Variants in DNAH17 observed in about 807,000 individuals in gnomAD.
The protein encoded by DNAH17 is dynein axonemal heavy chain 17.
DNAH17 carries 376 observed loss-of-function variants against 485.6 expected under a neutral mutation model. That is an observed-to-expected ratio of 0.77 (90% confidence interval 0.71 to 0.84). DNAH17 has a LOEUF of 0.84. DNAH17 is among the 40% of genes least tolerant of loss of function. DNAH17 has a pLI of 0.00. For missense variants in DNAH17, 6,370 were observed against 5,839.3 expected, an observed-to-expected ratio of 1.09 and a Z score of -2.96; for synonymous variants, 3,031 against 2,405.9, an observed-to-expected ratio of 1.26 and a Z score of -7.60.
intron 46 of DNAH17, 22 bp downstream of exon 46, chr17:78,485,938 G>C: frequency 6.2e-7 from 1 of 1,607,952 alleles, no homozygotes; most frequent in Non-Finnish European, 8.5e-7. Context: ...CCAGTCGGTG[G>C]CCCTGCTTTG....
chr17:78,534,919 C>T (rs1332776189), intron 19 of DNAH17, among the ~76,000 whole-genome samples: 1 of 152,184 alleles, frequency 6.6e-6, no homozygotes, highest in East Asian at 1.9e-4. Flanking sequence ...CTCTCTGCCA[C>T]CAAGCTAGGG....
chr17:78,562,676 C>T (rs1045257340), intron 11 of DNAH17, among the ~76,000 whole-genome samples: 9 of 152,146 alleles, frequency 5.9e-5, no homozygotes, highest in Admixed American at 3.3e-4. Flanking sequence ...ATAGCCATAA[C>T]GTTGCATTTA....
chr17:78,543,481 G>A (rs895625461), intron 17 of DNAH17, among the ~76,000 whole-genome samples: 12 of 151,236 alleles, frequency 7.9e-5, no homozygotes, highest in African/African-American at 9.7e-5. Context: ...TAGTAGAGAC[G>A]GGGTTTCACC....
At chr17:78,557,149 AG>A (rs1020490910) in intron 14 of DNAH17, among the ~76,000 whole-genome samples, 5 of 152,354 alleles carry the variant, frequency 3.3e-5, no homozygotes, top group Admixed American at 3.3e-4. Flanking sequence ...CAAAGAGCTG[AG>A]CAGGGACCGC....
chr17:78,525,473 A>G (rs1441957739), intron 24 of DNAH17, among the ~76,000 whole-genome samples: 7 of 152,244 alleles, frequency 4.6e-5, no homozygotes, highest in Non-Finnish European at 5.9e-5. Context: ...TTCAACTTTC[A>G]TATTATATTT....
chr17:78,468,155 A>G lies in DNAH17; in HGVS notation c.8778+462T>C, dbSNP rs1157574846. Among the ~76,000 whole-genome samples, 6 of 105,370 alleles carry G rather than the reference A, an allele frequency of 5.7e-5. No individual in the cohort carries two copies. The East Asian group carries it at 2.1e-3, about 37-fold the overall frequency. 69.1% of individuals were successfully genotyped at this position (105,370 alleles called of 152,430 possible). A position where few individuals can be genotyped will look rare whatever the true frequency, so the allele number is the denominator to read the frequency against. On this transcript the variant is annotated intron_variant, in intron 55 of 80. Transcript: ENST00000389840. Reference sequence around the variant, plus strand: ...GGATTTAACCAACCATGGACTGAAAATTGTTAAAAAAAAATAATAAAAAAT... The same window carrying G: ...GGATTTAACCAACCATGGACTGAAAGTTGTTAAAAAAAAATAATAAAAAAT...
At chr17:78,551,108 T>G (rs1205174044) in intron 16 of DNAH17, among the ~76,000 whole-genome samples, 1 of 151,968 alleles carries the variant, frequency 6.6e-6, no homozygotes, top group African/African-American at 2.4e-5. Context: ...GCTGCAAGTG[T>G]TTTTGCACAT....
At chr17:78,549,512 C>G (rs1028438798) in intron 16 of DNAH17, among the ~76,000 whole-genome samples, 1 of 152,230 alleles carries the variant, frequency 6.6e-6, no homozygotes, top group African/African-American at 2.4e-5. Flanking sequence ...AATTGGCAAA[C>G]AGATCATTCC....
chr17:78,426,564 A>C lies in DNAH17; in HGVS notation c.12808T>G (p.Ser4270Ala). Residue 4270 changes from serine to alanine, a missense_variant, in exon 79 of 81, where the codon TCC becomes GCC. Physicochemically the swap from Ser to Ala is moderately conservative, Grantham distance 99. Coordinates refer to ENST00000389840, the MANE Select transcript of DNAH17 (RefSeq NM_173628.4). Reference protein sequence around the residue: ...LTITTDVEDLSTALFYDTVPD... With the variant: ...LTITTDVEDLATALFYDTVPD... Reference sequence around the variant, plus strand: ...ACGGTGTCATAGAAGAGAGCCGTGGACAGATCTTCCACGTCGGTCGTGATG... The same window carrying C: ...ACGGTGTCATAGAAGAGAGCCGTGGCCAGATCTTCCACGTCGGTCGTGATG... 6.2e-7 allele frequency: 1 copy of C among 1,613,166 alleles called. No individual in the cohort carries two copies. Among genetic ancestry groups the C allele is most frequent in the Non-Finnish European group, 8.5e-7 (1 of 1,179,410 alleles).
Position 78,460,296 on chromosome 17 carries a change from G to C in DNAH17, c.9340-39C>G, listed in dbSNP as rs752266979. 4.6e-6 allele frequency: 7 copies of C among 1,537,444 alleles called. No homozygotes were observed. In the Admixed American group the frequency reaches 1.4e-4, roughly 31 times the overall value. ...GGACAGGAGAGGTTACTGCAGGCCTGTCCATGTGCCTGTGGGGGCGTGTAC... is the reference window on the plus strand; with the variant it reads ...GGACAGGAGAGGTTACTGCAGGCCTCTCCATGTGCCTGTGGGGGCGTGTAC... On this transcript the variant is annotated intron_variant, in intron 58 of 80. Coordinates refer to ENST00000389840, the MANE Select transcript of DNAH17 (RefSeq NM_173628.4).
chr17:78,434,642 T>C (rs1319759468), intron 74 of DNAH17, among the ~76,000 whole-genome samples: 1 of 147,892 alleles, frequency 6.8e-6, no homozygotes, highest in African/African-American at 2.5e-5. Context: ...GGGGATGGGA[T>C]AGAGGATGGG....
chr17:78,501,928 G>GGTCTTGT lies in DNAH17; in HGVS notation c.5191-62_5191-56dup, dbSNP rs569963590. The GGTCTTGT allele has an allele frequency of 2.3e-5, 37 of 1,605,312 alleles. No individual in the cohort carries two copies. The Admixed American group carries it at 5.7e-4, about 25-fold the overall frequency. On this transcript the variant is annotated intron_variant, in intron 33 of 80. Transcript: ENST00000389840. The stretch of plus-strand genomic sequence containing the variant: ...CCACGGGTGCCCACATGCACTGGGG[G>GGTCTTGT]GTCTTGTGGCTGGGTGCCCACAGCT...
At chr17:78,484,739 A>ACCCCCCTGCCCCCCC in intron 48 of DNAH17, 129 bp downstream of exon 48, 14 of 347,768 alleles carry the variant, frequency 4.0e-5, no homozygotes, top group South Asian at 8.4e-5. Context: ...ACGTTGCAGC[A>ACCCCCCTGCCCCCCC]CCCCCCCCAC....
rs116104455 is a variant in DNAH17, at chr17:78,477,007, G to A, written c.7993-274C>T. On this transcript the variant is annotated intron_variant, in intron 51 of 80. Coordinates refer to ENST00000389840, the MANE Select transcript of DNAH17 (RefSeq NM_173628.4). ...CTCCAGAAGAGTGAATGGTGGAGGA[G>A]GGACAAGGGAGGCTAATTGCAAAGG... 4.8e-3 allele frequency among the ~76,000 whole-genome samples: 729 copies of A among 152,310 alleles called. 7 individuals are homozygous for A. The highest frequency in any genetic ancestry group is 0.017 in the African/African-American group (691 of 41,558).
intron 31 of DNAH17, among the ~76,000 whole-genome samples, chr17:78,503,528 C>A (rs66518660): frequency 0.23 from 35,583 of 151,736 alleles, 4,382 homozygotes; most frequent in South Asian, 0.34. Context: ...GCTCTGCTGC[C>A]CCGGCTGCTG....
chr17:78,454,240 C>T (rs1054981419), intron 64 of DNAH17, among the ~76,000 whole-genome samples: 10 of 152,312 alleles, frequency 6.6e-5, no homozygotes, highest in African/African-American at 1.4e-4. Context: ...CCTGAGCCTC[C>T]GTCTCACTCT....
intron 44 of DNAH17, 89 bp downstream of exon 44, chr17:78,490,610 T>A: frequency 1.3e-6 from 2 of 1,486,536 alleles, no homozygotes; most frequent in Non-Finnish European, 1.8e-6. Flanking sequence ...GTGACATGAA[T>A]GATGAATGAA....
At chr17:78,569,662 G>C (rs1370526761) in intron 7 of DNAH17, 135 bp from the exon 8 acceptor site, 2 of 1,161,394 alleles carry the variant, frequency 1.7e-6, no homozygotes, top group African/African-American at 1.6e-5. Flanking sequence ...TCTGCCCACT[G>C]CTGGGCCGTT....
rs769909667 is a variant in DNAH17, at chr17:78,571,755, G to A, written c.567C>T (p.Leu189=). 40 of 1,603,370 alleles carry A rather than the reference G, an allele frequency of 2.5e-5. No individual in the cohort carries two copies. The highest frequency in any genetic ancestry group is 1.7e-4 in the Middle Eastern group (1 of 6,028). ...ERIPSSLDNL[L]LHAIETTIID... ...TGATGGTGGTTTCAATGGCGTGCAG[G>A]AGCAAGTTGTCCAGTGAAGAGGGGA... Residue 189 remains leucine, a synonymous_variant, in exon 4 of 81, where the codon CTC becomes CTT. Transcript: ENST00000389840.
Sources: allele counts gnomAD v4.1 joint callset (sites outside exome capture counted in the v4.1 genomes callset), GRCh38; gene constraint gnomAD v4.1.1; transcripts MANE v1.5; gene names NCBI Gene and HGNC (gene_info 2026-07-23, HGNC 2026-07-21).